The following FBXO5 variants were observed in gnomAD, a reference collection of about 807,000 sequenced individuals.
The protein encoded by FBXO5 is F-box only protein 5.
Under a neutral mutation model 43.3 loss-of-function variants are expected in FBXO5, and 8 were observed. The observed-to-expected ratio is 0.18, with a 90% confidence interval of 0.11 to 0.33. FBXO5 has a LOEUF of 0.33. FBXO5 is among the 10% of genes least tolerant of loss of function. The pLI is 1.00. For missense variants in FBXO5, 491 were observed against 535.7 expected (o/e 0.92, Z 0.82); for synonymous variants, 204 against 193.7 (o/e 1.05, Z -0.44).
In FBXO5 at chr6:152,978,376, TTGGGG is replaced by T. The variant is rs1469828375; in HGVS notation, c.104-2760_104-2756del. ...CATTAATCATGGAGAGCTTCATTTT[TTGGGG>T]GGGGGGGGGGGGCGGGGGACTTCTC... On this transcript the variant is annotated intron_variant, in intron 1 of 4. Transcript: ENST00000229758. 4.6e-3 allele frequency among the ~76,000 whole-genome samples: 26 copies of T among 5,696 alleles called. 3 individuals carry two copies. The highest frequency in any genetic ancestry group is 0.043 in the East Asian group (4 of 92). 3.7% of individuals were successfully genotyped at this position (5,696 alleles called of 152,430 possible).
In FBXO5 at chr6:152,975,025, T is replaced by C; in HGVS notation, c.700A>G (p.Ile234Val). 8 of 1,614,188 alleles carry C rather than the reference T, an allele frequency of 5.0e-6. No individual in the cohort carries two copies. The highest frequency in any genetic ancestry group is 6.8e-6 in the Non-Finnish European group (8 of 1,180,034). ...TCTAGGCCCATTTTTCTGCCAATTA[T>C]ATTCTGCAGTCTAAAATTTCCTCTG... ...IARGNFRLQN[I>V]IGRKMGLECV... Residue 234 changes from isoleucine (I) to valine (V), a missense_variant, in exon 2 of 5, where the codon ATA (isoleucine) becomes GTA (valine). By Grantham distance (29) the Ile-to-Val change is conservative. Transcript: ENST00000229758.
intron 3 of FBXO5, 63 bp downstream of exon 3, chr6:152,972,983 T>C (rs1778109225): frequency 3.0e-6 from 4 of 1,340,032 alleles, no homozygotes; most frequent in African/African-American, 1.4e-5. Context: ...TCTTTTCTTT[T>C]CTATTTCTAG....
intron 2 of FBXO5, chr6:152,973,863 A>G (rs201570818): frequency 1.5e-5 from 2 of 134,766 alleles, no homozygotes. Context: ...CCCAAAAAAA[A>G]TTAAAAAAAA....
intron 2 of FBXO5, chr6:152,973,539 C>T (rs1241296050): frequency 6.3e-6 from 1 of 159,344 alleles, no homozygotes; most frequent in East Asian, 1.8e-4. Flanking sequence ...ACTATGTTAA[C>T]AGAAAAAGTA....
At chr6:152,983,043 T>C, upstream of FBXO5, 1 of 758,376 alleles carries the variant, frequency 1.3e-6, no homozygotes, top group Non-Finnish European at 1.9e-6. Flanking sequence ...GACCTGTATC[T>C]CTTAAAAGGC....
chr6:152,972,166 T>G (rs1170292390), intron 4 of FBXO5, 106 bp downstream of exon 4: 6 of 653,496 alleles, frequency 9.2e-6, no homozygotes, highest in Non-Finnish European at 1.5e-5. Flanking sequence ...AGAGAATAAA[T>G]TAGTTATTAT....
At chr6:152,982,827 G>GC in intron 1 of FBXO5, 30 bp downstream of exon 1, 3 of 1,435,066 alleles carry the variant, frequency 2.1e-6, no homozygotes, top group Non-Finnish European at 2.8e-6. Flanking sequence ...TGGCGTGCGC[G>GC]CCCCCCTCGC....
chr6:152,971,763 G>C (rs138663575), intron 4 of FBXO5, among the ~76,000 whole-genome samples: 27 of 152,248 alleles, frequency 1.8e-4, no homozygotes, highest in Non-Finnish European at 3.5e-4. Context: ...CTACATTTGA[G>C]TAGAAATTTT....
At chr6:152,972,544 C>CAA in intron 3 of FBXO5, 90 bp from the exon 4 acceptor site, 1 of 945,434 alleles carries the variant, frequency 1.1e-6, no homozygotes, top group South Asian at 1.9e-5. Context: ...TAAGAAATGA[C>CAA]AAACAAGATT....
In FBXO5 at chr6:152,972,474, T is replaced by C; in HGVS notation, c.910-20A>G. ...GTTTTCCTAATTTAAAAAAAAGTTT[T>C]AATAGAATTTAGAAATTATTTCCTG... On this transcript the variant is annotated intron_variant, in intron 3 of 4. Coordinates refer to ENST00000229758, the MANE Select transcript of FBXO5 (RefSeq NM_012177.5). The C allele has an allele frequency of 3.3e-6, 5 of 1,515,518 alleles. No homozygotes were observed. The highest frequency in any genetic ancestry group is 4.5e-6 in the Non-Finnish European group (5 of 1,114,876). 93.9% of individuals were successfully genotyped at this position (1,515,518 alleles called of 1,614,324 possible). A position where few individuals can be genotyped will look rare whatever the true frequency, so the allele number is the denominator to read the frequency against.
chr6:152,979,216 C>G (rs774978701), intron 1 of FBXO5, among the ~76,000 whole-genome samples: 16 of 152,094 alleles, frequency 1.1e-4, no homozygotes, highest in Non-Finnish European at 2.1e-4. Flanking sequence ...TACCTAAAAT[C>G]TTTTTTCTGT....
intron 2 of FBXO5, chr6:152,973,968 A>G (rs1321990889): frequency 6.8e-6 from 1 of 146,440 alleles, no homozygotes; most frequent in Admixed American, 6.7e-5. Context: ...ATTTTTCAAA[A>G]AGCCAAAAAA....
chr6:152,974,546 A>G (rs7745185), intron 2 of FBXO5, among the ~76,000 whole-genome samples: 16,515 of 152,226 alleles, frequency 0.11, 961 homozygotes, highest in South Asian at 0.2. Flanking sequence ...AGTGGCACAT[A>G]GGTAGCAAAA....
In FBXO5 at chr6:152,970,788, C is replaced by T. The variant is rs1713; in HGVS notation, c.*375G>A. 0.2 allele frequency: 32,762 copies of T among 160,452 alleles called. 3,625 individuals are homozygous for T. The highest frequency in any genetic ancestry group is 0.29 in the African/African-American group (12,002 of 41,668). The allele number at this position is 160,452 out of a possible 1,614,324, so 9.9% of individuals were successfully genotyped here. A position where few individuals can be genotyped will look rare whatever the true frequency, so the allele number is the denominator to read the frequency against. ...GTTGGTATCAATTGAGTAAGAGGAA[C>T]ATAAAATGTCTGAAATGCTAACAGA... On this transcript the variant is annotated 3_prime_UTR_variant, in exon 5 of 5. Coordinates refer to ENST00000229758, the MANE Select transcript of FBXO5 (RefSeq NM_012177.5).
Position 152,972,262 on chromosome 6 carries a change from A to C in FBXO5, c.1092+10T>G. On this transcript the variant is annotated intron_variant, in intron 4 of 4. Transcript: ENST00000229758. ...TATGTTTTAAGATTTATGATTAGACAAAAAATTACCTCAGAGAATTCATTG... is the reference window on the plus strand; with the variant it reads ...TATGTTTTAAGATTTATGATTAGACCAAAAATTACCTCAGAGAATTCATTG... The C allele has an allele frequency of 1.3e-6, 2 of 1,594,156 alleles. No homozygotes were observed. The highest frequency in any genetic ancestry group is 2.3e-5 in the South Asian group (2 of 87,994).
intron 2 of FBXO5, 73 bp downstream of exon 2, chr6:152,974,834 G>T: frequency 8.6e-7 from 1 of 1,164,996 alleles, no homozygotes; most frequent in African/African-American, 1.5e-5. Context: ...CTTTGCATGA[G>T]CTGGTGGTAC....
upstream of FBXO5, chr6:152,983,042 C>G (rs148709367): frequency 0.023 from 18,341 of 786,728 alleles, 281 homozygotes; most frequent in Non-Finnish European, 0.027. Flanking sequence ...AGACCTGTAT[C>G]TCTTAAAAGG....
chr6:152,982,767 G>A (rs1458076537), intron 1 of FBXO5, 90 bp downstream of exon 1: 20 of 903,838 alleles, frequency 2.2e-5, no homozygotes, highest in Admixed American at 8.2e-5. Context: ...CAGGCTCCGA[G>A]GGACGTCGGG....
Position 152,973,032 on chromosome 6 carries a change from C to G in FBXO5, c.909+14G>C. On this transcript the variant is annotated intron_variant, in intron 3 of 4. Transcript: ENST00000229758. ...GTGCATTTTTAACTAAAAACATCAT[C>G]TGCAAACACTTACGGTAACTCTTTG... 6.2e-7 allele frequency: 1 copy of G among 1,606,922 alleles called. No individual in the cohort carries two copies. Among genetic ancestry groups the G allele is most frequent in the South Asian group, 1.1e-5 (1 of 90,908 alleles).
Sources: gnomAD v4.1 joint callset for allele counts (sites outside exome capture counted in the v4.1 genomes callset) on GRCh38, gnomAD v4.1.1 for gene constraint, MANE v1.5 for transcripts, NCBI Gene and HGNC (gene_info 2026-07-23, HGNC 2026-07-21) for gene names.